The following MBNL1 variants were observed in gnomAD, a reference collection of about 807,000 sequenced individuals.
The protein encoded by MBNL1 is muscleblind like splicing regulator 1.
MBNL1 carries 8 observed loss-of-function variants against 42.2 expected under a neutral mutation model. The observed-to-expected ratio is 0.19, with a 90% CI of 0.11 to 0.34. The LOEUF (loss-of-function observed/expected upper bound fraction) is 0.34. Among genes scored for constraint, MBNL1 ranks in the 10% least tolerant of loss-of-function variants. The probability of loss-of-function intolerance (pLI) is 1.00; values close to 1 mark genes in which losing one functional copy is unlikely to be tolerated. For synonymous variants in MBNL1, 169 were observed against 173.9 expected (o/e 0.97, Z 0.22); for missense variants, 309 against 495.3 (o/e 0.62, Z 3.57).
intron 2 of MBNL1, among the ~76,000 whole-genome samples, chr3:152,378,621 G>T (rs1679043569): frequency 6.6e-6 from 1 of 151,922 alleles, no homozygotes; most frequent in Admixed American, 6.6e-5. Flanking sequence ...ATCTTCCAAG[G>T]CTTTTTACAA....
Position 152,431,798 on chromosome 3 carries a change from G to T in MBNL1, c.346-919G>T, listed in dbSNP as rs144690532. Among the ~76,000 whole-genome samples the T allele has an allele frequency of 1.8e-3, 270 of 152,234 alleles. 1 individual carries two copies. Among genetic ancestry groups the T allele is most frequent in the Non-Finnish European group, 2.9e-3 (194 of 68,006 alleles). ...TACTATGAATAAGGTATGAAATTGT[G>T]TTCTGTTATACTTTAAATACTAGAA... On this transcript the variant is annotated intron_variant, in intron 3 of 9. Coordinates refer to ENST00000324210, the MANE Select transcript of MBNL1 (RefSeq NM_021038.5).
rs148956336 is a variant in MBNL1 at position 152,372,022 on chromosome 3, C to A, written c.175-42919C>A. 6.3e-3 allele frequency among the ~76,000 whole-genome samples: 962 copies of A among 152,264 alleles called. 9 individuals carry two copies. Among genetic ancestry groups the A allele is most frequent in the African/African-American group, 0.022 (919 of 41,548 alleles). ...TCCTTTTCATTCATTTTTCTCTAAT[C>A]TTGTCTTCATGCTTTATTTCATTAA... On this transcript the variant is annotated intron_variant, in intron 2 of 9. Coordinates refer to ENST00000324210, the MANE Select transcript of MBNL1 (RefSeq NM_021038.5).
intron 1 of MBNL1, among the ~76,000 whole-genome samples, chr3:152,296,206 T>C (rs1183379279): frequency 6.6e-6 from 1 of 152,222 alleles, no homozygotes; most frequent in Non-Finnish European, 1.5e-5. Context: ...GGCAGGGTCC[T>C]CTTCCTCCTG....
intron 2 of MBNL1, among the ~76,000 whole-genome samples, chr3:152,254,453 A>G (rs1397871926): frequency 6.6e-6 from 1 of 151,960 alleles, no homozygotes; most frequent in East Asian, 1.9e-4. Context: ...GTTAGGGTTC[A>G]TTGTTTTCCT....
chr3:152,368,446 A>T (rs1263052171), intron 2 of MBNL1, among the ~76,000 whole-genome samples: 1 of 152,146 alleles, frequency 6.6e-6, no homozygotes, highest in Admixed American at 6.5e-5. Context: ...GGGTAGCGTG[A>T]TGCCACCAGC....
intron 2 of MBNL1, among the ~76,000 whole-genome samples, chr3:152,261,378 A>G (rs1208758379): frequency 6.6e-6 from 1 of 152,168 alleles, no homozygotes; most frequent in Non-Finnish European, 1.5e-5. Flanking sequence ...CCTTTGCTTC[A>G]TGAAAGACAA....
chr3:152,409,850 G>A (rs540800010), intron 2 of MBNL1, among the ~76,000 whole-genome samples: 1 of 152,212 alleles, frequency 6.6e-6, no homozygotes, highest in East Asian at 1.9e-4. Flanking sequence ...TTCCTTTTAA[G>A]TAGAAGAAAT....
At chr3:152,264,542 T>C (rs2036867292), upstream of MBNL1, 1 of 151,816 alleles carries the variant, frequency 6.6e-6, no homozygotes, top group Admixed American at 6.6e-5. Flanking sequence ...ATGAATGGCC[T>C]GAGAGAGTCA....
intron 1 of MBNL1, among the ~76,000 whole-genome samples, chr3:152,277,249 T>C (rs1024807867): frequency 1.8e-4 from 27 of 152,144 alleles, no homozygotes; most frequent in African/African-American, 6.0e-4. Context: ...TTGTCCCAAA[T>C]TGGTAATTTT....
At chr3:152,412,275 A>AT (rs67241353) in intron 2 of MBNL1, among the ~76,000 whole-genome samples, 21,862 of 152,102 alleles carry the variant, frequency 0.14, 1,631 homozygotes, top group Middle Eastern at 0.19. Flanking sequence ...TTATTCTCTT[A>AT]TTTTTTCCAC....
intron 2 of MBNL1, among the ~76,000 whole-genome samples, chr3:152,337,413 A>G (rs1489066350): frequency 6.6e-6 from 1 of 152,148 alleles, no homozygotes; most frequent in Non-Finnish European, 1.5e-5. Flanking sequence ...TGAGGTCAGG[A>G]GTTCGAGAAC....
chr3:152,350,174 A>G (rs1228776930), intron 2 of MBNL1, among the ~76,000 whole-genome samples: 1 of 152,180 alleles, frequency 6.6e-6, no homozygotes, highest in Admixed American at 6.6e-5. Flanking sequence ...CATAGCAGGT[A>G]AATGAGGATG....
At chr3:152,363,241 G>A (rs2096117568) in intron 2 of MBNL1, among the ~76,000 whole-genome samples, 1 of 151,914 alleles carries the variant, frequency 6.6e-6, no homozygotes, top group Non-Finnish European at 1.5e-5. Flanking sequence ...GGTATTACTA[G>A]CATGTGAAAA....
At chr3:152,272,389 CA>C (rs1299534386) in intron 1 of MBNL1, among the ~76,000 whole-genome samples, 1 of 151,950 alleles carries the variant, frequency 6.6e-6, no homozygotes, top group Non-Finnish European at 1.5e-5. Context: ...TAACACCTCT[CA>C]AAGGCCAAAA....
At chr3:152,268,455 C>A, upstream of MBNL1, 1 of 301,862 alleles carries the variant, frequency 3.3e-6, no homozygotes, top group Non-Finnish European at 6.5e-6. Context: ...TGGCTTCTAA[C>A]CTTCAATCTA....
chr3:152,260,718 AG>A (rs1368985058), intron 2 of MBNL1, among the ~76,000 whole-genome samples: 1 of 152,218 alleles, frequency 6.6e-6, no homozygotes, highest in Non-Finnish European at 1.5e-5. Flanking sequence ...TAGAATATGT[AG>A]GATTCTCCTT....
intron 1 of MBNL1, among the ~76,000 whole-genome samples, chr3:152,283,655 G>C (rs2049867260): frequency 6.6e-6 from 1 of 152,124 alleles, no homozygotes; most frequent in African/African-American, 2.4e-5. Flanking sequence ...AAAAGTGAAG[G>C]CTGAATTCTT....
chr3:152,415,240 C>A, intron 3 of MBNL1, 129 bp downstream of exon 3: 1 of 826,382 alleles, frequency 1.2e-6, no homozygotes, highest in Non-Finnish European at 1.8e-6. Context: ...CATTTTCTAG[C>A]AAAATTAAGT....
At chr3:152,338,392 G>A (rs1438905640) in intron 2 of MBNL1, 55 of 985,210 alleles carry the variant, frequency 5.6e-5, no homozygotes, top group East Asian at 3.4e-4. Flanking sequence ...TTGTGAAAGC[G>A]GGGAATATTC....
Sources: gnomAD v4.1 joint callset for allele counts (sites outside exome capture counted in the v4.1 genomes callset) on GRCh38, gnomAD v4.1.1 for gene constraint, MANE v1.5 for transcripts, NCBI Gene and HGNC (gene_info 2026-07-23, HGNC 2026-07-21) for gene names.